RYR1: variants seen among roughly 807,000 people sequenced by gnomAD.
The protein encoded by RYR1 is ryanodine receptor 1.
A neutral mutation model predicts 583.5 loss-of-function variants in RYR1; 342 were observed. The observed-to-expected ratio is 0.59, with a 90% CI of 0.54 to 0.64. The LOEUF (loss-of-function observed/expected upper bound fraction) is 0.64. Ranked by LOEUF, RYR1 falls within the 30% of genes least tolerant of loss-of-function variation. RYR1 has a pLI of 0.00. For missense variants in RYR1, 6,032 were observed against 6,917.2 expected (o/e 0.87, Z 4.54); for synonymous variants, 2,791 against 2,822.5 (o/e 0.99, Z 0.35).
intron 19 of RYR1, 43 bp downstream of exon 19, chr19:38,459,381 G>A (rs1230493223): frequency 1.9e-6 from 3 of 1,588,544 alleles, no homozygotes; most frequent in Non-Finnish European, 2.6e-6. Flanking sequence ...TCAGACCTAG[G>A]ACTGACCTGA....
chr19:38,580,939 G>T (rs1325033744), intron 101 of RYR1, among the ~76,000 whole-genome samples: 2 of 140,812 alleles, frequency 1.4e-5, no homozygotes, highest in African/African-American at 5.3e-5. Flanking sequence ...TCACTGTGTT[G>T]CCAGGCTAGA....
rs1265086155 is a variant in RYR1, at chr19:38,494,453, C to A, written c.6376C>A (p.Arg2126=). The change falls in exon 39 of 106, where the codon CGG becomes AGG. Residue 2126 remains arginine (R), a synonymous_variant. Coordinates refer to ENST00000359596, the MANE Select transcript of RYR1 (RefSeq NM_000540.3). The part of the protein sequence containing the change: ...LVRAMFSLLH[R]QYDGLGELLR... ...GCGGGCCATGTTCAGCCTCCTGCAC[C>A]GGCAGTACGACGGGCTGGGTGAGCT... 6.2e-7 allele frequency: 1 copy of A among 1,612,552 alleles called. No individual in the cohort carries two copies. Among genetic ancestry groups the A allele is most frequent in the African/African-American group, 1.3e-5 (1 of 74,888 alleles).
rs1967897090 is a variant in RYR1, at chr19:38,463,450, A to G, written c.2605A>G (p.Ile869Val). The G allele has an allele frequency of 1.2e-6, 2 of 1,613,994 alleles. No homozygotes were observed. Among genetic ancestry groups the G allele is most frequent in the African/African-American group, 1.3e-5 (1 of 75,054 alleles). ...TGTCCTGCCGCCCCATCTGGAGCGC[A>G]TTCGGGAGAAGCTGGCGGAGAACAT... ...QIVLPPHLERIREKLAENIHE... is the reference protein window; with the variant it reads ...QIVLPPHLERVREKLAENIHE... Residue 869 changes from isoleucine (I) to valine (V), a missense_variant, in exon 21 of 106, where the codon ATT becomes GTT. By Grantham distance (29) the Ile-to-Val change is conservative. This residue lies in a region of RYR1 where 2,627 missense variants were observed against 2,961.3 expected (regional missense o/e 0.89). Transcript: ENST00000359596.
intron 96 of RYR1, among the ~76,000 whole-genome samples, chr19:38,574,892 T>A (rs1973886350): frequency 6.6e-6 from 1 of 151,270 alleles, no homozygotes; most frequent in Admixed American, 6.6e-5. Context: ...ACAAAAAAAT[T>A]AGCTGGGCGT....
intron 13 of RYR1, among the ~76,000 whole-genome samples, chr19:38,454,087 A>C (rs7246443): frequency 0.64 from 96,872 of 152,030 alleles, 31,367 homozygotes; most frequent in Middle Eastern, 0.73. Flanking sequence ...CCCAGGCTGG[A>C]GTGCAGTGGT....
chr19:38,579,263 A>C (rs1199261708), intron 99 of RYR1, among the ~76,000 whole-genome samples: 1 of 151,988 alleles, frequency 6.6e-6, no homozygotes, highest in Non-Finnish European at 1.5e-5. Context: ...CATCTCTACT[A>C]AAAATACAAA....
intron 20 of RYR1, 150 bp from the exon 21 acceptor site, chr19:38,463,273 A>G: frequency 1.5e-6 from 1 of 685,744 alleles, no homozygotes; most frequent in Non-Finnish European, 2.6e-6. Context: ...CCTGGAGTCA[A>G]GGCGAGGGAT....
At chr19:38,582,107 T>A (rs544284335) in intron 101 of RYR1, among the ~76,000 whole-genome samples, 40 of 152,212 alleles carry the variant, frequency 2.6e-4, no homozygotes, top group African/African-American at 8.2e-4. Flanking sequence ...CTTAAAAGAC[T>A]TAGACCATTG....
intron 27 of RYR1, among the ~76,000 whole-genome samples, chr19:38,472,528 C>T (rs1232165187): frequency 2.0e-5 from 3 of 151,996 alleles, no homozygotes; most frequent in African/African-American, 4.8e-5. Context: ...GAGAAGTGAC[C>T]GGATTCCCAT....
At chr19:38,501,112 C>A in intron 47 of RYR1, 122 bp downstream of exon 47, 1 of 878,626 alleles carries the variant, frequency 1.1e-6, no homozygotes, top group South Asian at 1.5e-5. Flanking sequence ...ATCATAATCC[C>A]CAATACCATC....
At chr19:38,493,235 G>T (rs1969638146) in intron 38 of RYR1, among the ~76,000 whole-genome samples, 1 of 152,236 alleles carries the variant, frequency 6.6e-6, no homozygotes, top group South Asian at 2.1e-4. Context: ...TGGCCTTGGG[G>T]CTTCTCTTTT....
rs79672171 is a variant in RYR1, at chr19:38,483,973, G to A, written c.4934+457G>A. On this transcript the variant is annotated intron_variant, in intron 33 of 105. Transcript: ENST00000359596. This position sits in a 1 kb window ranked among gnomAD's most constrained non-coding sequence, Gnocchi z 6.3. ...GTGGATATTTCAAACCCACCCCAGG[G>A]GACCCAGACACACCTAGGGCCACAG... Among the ~76,000 whole-genome samples the A allele has an allele frequency of 0.037, 5,570 of 152,102 alleles. 347 individuals carry two copies. The highest frequency in any genetic ancestry group is 0.13 in the African/African-American group (5,227 of 41,460).
intron 71 of RYR1, among the ~76,000 whole-genome samples, chr19:38,526,019 T>C (rs921155977): frequency 6.6e-6 from 1 of 151,862 alleles, no homozygotes; most frequent in Admixed American, 6.6e-5. Context: ...TGCTGACACC[T>C]GGGCCCTGTT....
At position 38,500,333 on chromosome 19, in the gene RYR1, G is replaced by A. The variant is rs753546833; in HGVS notation, c.7324-273G>A. ...GGGGATGGGGAACACAGGGAGAGGG[G>A]TCAGGATGGGGATGGGGTCACAGGG... On this transcript the variant is annotated intron_variant, in intron 45 of 105. Transcript: ENST00000359596. This position sits in a 1 kb window ranked among gnomAD's most constrained non-coding sequence, Gnocchi z 5.9. Among the ~76,000 whole-genome samples, 4 of 147,890 alleles carry A rather than the reference G, an allele frequency of 2.7e-5. No individual in the cohort carries two copies. The highest frequency in any genetic ancestry group is 1.0e-4 in the African/African-American group (4 of 40,164).
chr19:38,519,534 A>G, intron 67 of RYR1, 80 bp downstream of exon 67: 2 of 1,488,638 alleles, frequency 1.3e-6, no homozygotes, highest in Non-Finnish European at 1.8e-6. Context: ...CCGCCTCCTG[A>G]CTGGCTAGAA....
intron 29 of RYR1, 146 bp downstream of exon 29, chr19:38,475,596 C>A: frequency 9.6e-7 from 1 of 1,043,086 alleles, no homozygotes; most frequent in Non-Finnish European, 1.4e-6. Context: ...TAAAATATGG[C>A]ACACACAGAT....
At chr19:38,457,680 C>T (rs373762421) in intron 17 of RYR1, 50 bp downstream of exon 17, 22 of 1,589,210 alleles carry the variant, frequency 1.4e-5, no homozygotes, top group Non-Finnish European at 1.7e-5. Context: ...TCAACCCTCT[C>T]CCTGACTTAG....
In RYR1 at chr19:38,444,755, A is replaced by C; in HGVS notation, c.631+78A>C. On this transcript the variant is annotated intron_variant, in intron 7 of 105. Transcript: ENST00000359596. The surrounding 1 kb of genome is among the most constrained non-coding windows in gnomAD (Gnocchi z 5.1). ...AATGTTGCCCTTCAGGCATACCCAA[A>C]TGGAGCCTTGGAACCTCAGACCTCA... 8.9e-7 allele frequency: 1 copy of C among 1,127,524 alleles called. No homozygotes were observed. Among genetic ancestry groups the C allele is most frequent in the Non-Finnish European group, 1.3e-6 (1 of 758,938 alleles). The allele number at this position is 1,127,524 out of a possible 1,614,324, so 69.8% of individuals were successfully genotyped here.
chr19:38,546,274 C>A lies in RYR1; in HGVS notation c.12013-171C>A, dbSNP rs149798609. Among the ~76,000 whole-genome samples, 651 of 152,126 alleles carry A rather than the reference C, an allele frequency of 4.3e-3. 3 individuals carry two copies. The highest frequency in any genetic ancestry group is 0.013 in the African/African-American group (554 of 41,488). On this transcript the variant is annotated intron_variant, in intron 87 of 105. Transcript: ENST00000359596. ...GCCAACCCCACCCCCACAATCTTGTCTCTCTGCCCCTTCCCCTGCTTCCGA... is the reference window on the plus strand; with the variant it reads ...GCCAACCCCACCCCCACAATCTTGTATCTCTGCCCCTTCCCCTGCTTCCGA...
Sources: gnomAD v4.1 joint callset for allele counts (sites outside exome capture counted in the v4.1 genomes callset) on GRCh38, gnomAD v4.1.1 for gene constraint, gnomAD v4.1.1 regional missense constraint, Gnocchi (gnomAD v3.1) non-coding constraint, MANE v1.5 for transcripts, NCBI Gene and HGNC (gene_info 2026-07-23, HGNC 2026-07-21) for gene names.